The following CELSR2 variants were observed in gnomAD, a reference collection of about 807,000 sequenced individuals.
The protein encoded by CELSR2 is cadherin EGF LAG seven-pass G-type receptor 2.
A neutral mutation model predicts 251.6 loss-of-function variants in CELSR2; 81 were observed. The observed-to-expected ratio is 0.32, with a 90% CI of 0.27 to 0.39. CELSR2 has a LOEUF of 0.39. Ranked by LOEUF, CELSR2 falls within the 10% of genes least tolerant of loss-of-function variation. The probability of loss-of-function intolerance (pLI) is 1.00; values close to 1 mark genes in which losing one functional copy is unlikely to be tolerated. For synonymous variants in CELSR2, 1,721 were observed against 1,670.5 expected (o/e 1.03, Z -0.74); for missense variants, 3,365 against 3,947.7 (o/e 0.85, Z 3.96).
At chr1:109,265,112 A>G in intron 12 of CELSR2, 79 bp from the exon 13 acceptor site, 1 of 1,590,840 alleles carries the variant, frequency 6.3e-7, no homozygotes, top group Admixed American at 1.7e-5. Context: ...AGCCAGGGTC[A>G]GAAGGGCCAC....
chr1:109,268,321 T>TTCACAC (rs1656263140), intron 17 of CELSR2, among the ~76,000 whole-genome samples: 1 of 152,176 alleles, frequency 6.6e-6, no homozygotes, highest in South Asian at 2.1e-4. Flanking sequence ...GAGGAAGCAG[T>TTCACAC]ATCTCAGGAC....
At position 109,262,380 on chromosome 1, in the gene CELSR2, C is replaced by G; in HGVS notation, c.4480C>G (p.Arg1494Gly). 1 of 1,614,150 alleles carries G rather than the reference C, an allele frequency of 6.2e-7. No homozygotes were observed. Among genetic ancestry groups the G allele is most frequent in the Non-Finnish European group, 8.5e-7 (1 of 1,180,034 alleles). ...TGGCTGTGACACAGGAGTGGCCTTG[C>G]GCTTCGGATCTGTCCTGGGCAACTA... ...VDGCDTGVAL[R>G]FGSVLGNYSC... is the part of the protein sequence containing the mutation. The change falls in exon 6 of 34, where the codon CGC becomes GGC. Residue 1494 changes from arginine (R) to glycine (G), a missense_variant. Coordinates refer to ENST00000271332, the MANE Select transcript of CELSR2 (RefSeq NM_001408.3).
intron 29 of CELSR2, 105 bp from the exon 30 acceptor site, chr1:109,272,535 C>A: frequency 6.7e-7 from 1 of 1,484,498 alleles, no homozygotes; most frequent in Non-Finnish European, 9.3e-7. Context: ...GGATTAGAAG[C>A]TGTAAGGGAC....
At chr1:109,260,192 GGT>G (rs1655980010) in intron 2 of CELSR2, among the ~76,000 whole-genome samples, 4 of 143,968 alleles carry the variant, frequency 2.8e-5, no homozygotes, top group African/African-American at 1.0e-4. Flanking sequence ...GGAGGGGGGG[GGT>G]TAGAGCAGGC....
In CELSR2 at chr1:109,269,749, G is replaced by A. The variant is rs1346882671; in HGVS notation, c.7036G>A (p.Glu2346Lys). The change falls in exon 22 of 34, where the codon GAG (glutamate) becomes AAG (lysine). Residue 2346 changes from glutamate (E) to lysine (K), a missense_variant. Around this residue, in one of 5 missense-constraint regions of CELSR2, gnomAD observed 2,093 missense variants for 2,382.8 expected, o/e 0.88. Transcript: ENST00000271332. This position sits in a 1 kb window ranked among gnomAD's most constrained non-coding sequence, Gnocchi z 6.4. ...AGGCTGTGAAGTCGTCTTCCGCAAT[G>A]AGAGCCACGTCAGCTGCCAGTGCAA... is the stretch of plus-strand genomic sequence containing the variant. ...ARGCEVVFRN[E>K]SHVSCQCNHM... is the part of the protein sequence containing the mutation. 6.2e-7 allele frequency: 1 copy of A among 1,613,778 alleles called. No individual in the cohort carries two copies. The highest frequency in any genetic ancestry group is 8.5e-7 in the Non-Finnish European group (1 of 1,180,034).
rs1239808274 is a variant in CELSR2 at position 109,274,105 on chromosome 1, T to A, written c.*56T>A. On this transcript the variant is annotated 3_prime_UTR_variant, in exon 34 of 34. Coordinates refer to ENST00000271332, the MANE Select transcript of CELSR2 (RefSeq NM_001408.3). The stretch of plus-strand genomic sequence containing the variant: ...CCCTTCCCTTCCCCAGCCGCACTCA[T>A]GCCCTGCTCCTGTCTTGTGCTTTAT... 6.2e-7 allele frequency: 1 copy of A among 1,613,508 alleles called. No individual in the cohort carries two copies. The highest frequency in any genetic ancestry group is 8.5e-7 in the Non-Finnish European group (1 of 1,179,970).
rs1656303226 is a variant in CELSR2 at position 109,269,458 on chromosome 1, G to GT, written c.6848dup (p.Ser2284GlufsTer6). ...ACGCCCGATCATCAACACACCCGTGGTGAGCATCAGCGTCCATGATGATGA... is the reference window on the plus strand; with the variant it reads ...ACGCCCGATCATCAACACACCCGTGGTTGAGCATCAGCGTCCATGATGATGA... On this transcript the variant is annotated frameshift_variant, in exon 21 of 34. Transcript: ENST00000271332. LOFTEE classifies it high-confidence loss of function. The surrounding 1 kb of genome is among the most constrained non-coding windows in gnomAD (Gnocchi z 6.4). 1 of 1,613,968 alleles carries GT rather than the reference G, an allele frequency of 6.2e-7. No homozygotes were observed. The highest frequency in any genetic ancestry group is 1.3e-5 in the African/African-American group (1 of 74,936).
At chr1:109,271,160 G>A in intron 25 of CELSR2, 57 bp from the exon 26 acceptor site, 3 of 1,571,766 alleles carry the variant, frequency 1.9e-6, no homozygotes, top group Non-Finnish European at 2.6e-6. Flanking sequence ...GGCCCTGTGG[G>A]CTGGGTGGAA....
rs368298594 is a variant in CELSR2, at chr1:109,269,632, A to G, written c.6980+41A>G. 77 of 1,613,034 alleles carry G rather than the reference A, an allele frequency of 4.8e-5. No individual in the cohort carries two copies. The highest frequency in any genetic ancestry group is 6.3e-5 in the Non-Finnish European group (74 of 1,179,284). On this transcript the variant is annotated intron_variant, in intron 21 of 33. Coordinates refer to ENST00000271332, the MANE Select transcript of CELSR2 (RefSeq NM_001408.3). This position sits in a 1 kb window ranked among gnomAD's most constrained non-coding sequence, Gnocchi z 6.4. ...CCTCGCCCCCTCAGGCTTCGGGCTG[A>G]AAGTCCAGGCCCCTGCATGCCTCAC...
chr1:109,270,257 A>G, intron 23 of CELSR2, 124 bp downstream of exon 23: 1 of 1,285,922 alleles, frequency 7.8e-7, no homozygotes, highest in Non-Finnish European at 1.1e-6. Context: ...CACCTGGCCC[A>G]GGGTTTCCTC....
rs1455594921 is a variant in CELSR2, at chr1:109,268,999, G to A, written c.6622G>A (p.Val2208Ile). 1.2e-6 allele frequency: 2 copies of A among 1,611,094 alleles called. No homozygotes were observed. The highest frequency in any genetic ancestry group is 8.5e-7 in the Non-Finnish European group (1 of 1,177,782). ...GACAACAGTCATTCTGCCTGAGTCT[G>A]TCTTCAGAGGTCAGTGGTGGCCATG... Reference protein sequence around the residue: ...LETTVILPESVFRETPPVVRP... With the variant: ...LETTVILPESIFRETPPVVRP... The change falls in exon 19 of 34, where the codon GTC becomes ATC. Residue 2208 changes from valine (V) to isoleucine (I), a missense_variant. Physicochemically the swap from Val to Ile is conservative, Grantham distance 29. Around this residue, in one of 5 missense-constraint regions of CELSR2, gnomAD observed 2,093 missense variants for 2,382.8 expected, o/e 0.88. Transcript: ENST00000271332.
chr1:109,256,131 T>C (rs998655649), intron 1 of CELSR2, among the ~76,000 whole-genome samples: 1 of 152,182 alleles, frequency 6.6e-6, no homozygotes, highest in African/African-American at 2.4e-5. Flanking sequence ...ATACCAGGTA[T>C]ACAAGAGCTC....
chr1:109,267,909 C>G lies in CELSR2; in HGVS notation c.6167C>G (p.Ala2056Gly), dbSNP rs749408076. ...GACTCAGGGCGCTCCCAGCAGCTAGCCCTGCTCCTGCGCAACGCCACGCAG... is the reference window on the plus strand; with the variant it reads ...GACTCAGGGCGCTCCCAGCAGCTAGGCCTGCTCCTGCGCAACGCCACGCAG... ...GLDSGRSQQLALLLRNATQHT... is the reference protein window; with the variant it reads ...GLDSGRSQQLGLLLRNATQHT... Residue 2056 changes from alanine (A) to glycine (G), a missense_variant, in exon 17 of 34, where the codon GCC becomes GGC. Ala to Gly is a moderately conservative substitution (Grantham distance 60). This residue lies in a region of CELSR2 where 2,093 missense variants were observed against 2,382.8 expected (regional missense o/e 0.88). Transcript: ENST00000271332. The G allele has an allele frequency of 6.2e-7, 1 of 1,611,120 alleles. No individual in the cohort carries two copies. Among genetic ancestry groups the G allele is most frequent in the Non-Finnish European group, 8.5e-7 (1 of 1,179,622 alleles).
At chr1:109,264,750 A>T in intron 11 of CELSR2, 118 bp from the exon 12 acceptor site, 1 of 1,585,066 alleles carries the variant, frequency 6.3e-7, no homozygotes. Flanking sequence ...TTGCCTACAC[A>T]ACAAAGCCAT....
At chr1:109,270,796 G>T (rs558789459) in intron 24 of CELSR2, 131 bp from the exon 25 acceptor site, 16 of 985,524 alleles carry the variant, frequency 1.6e-5, no homozygotes, top group Non-Finnish European at 2.1e-5. Context: ...TGGGGAGATC[G>T]GTAGGGGCCG....
At chr1:109,270,805 C>T (rs1570793476) in intron 24 of CELSR2, 122 bp from the exon 25 acceptor site, 10 of 981,492 alleles carry the variant, frequency 1.0e-5, no homozygotes, top group Admixed American at 8.5e-5. Context: ...CGGTAGGGGC[C>T]GATGGTGGGC....
intron 2 of CELSR2, among the ~76,000 whole-genome samples, chr1:109,260,157 T>C (rs1655977893): frequency 1.3e-5 from 1 of 75,242 alleles, no homozygotes; most frequent in South Asian, 5.1e-4. Flanking sequence ...GAAGTCTTTG[T>C]CCAGGAGGAT....
At chr1:109,256,879 C>T (rs544066243) in intron 1 of CELSR2, among the ~76,000 whole-genome samples, 1 of 152,116 alleles carries the variant, frequency 6.6e-6, no homozygotes, top group East Asian at 1.9e-4. Flanking sequence ...AGTCTGATCT[C>T]GAACTCCTGA....
At chr1:109,266,972 C>A (rs1196521146) in intron 15 of CELSR2, among the ~76,000 whole-genome samples, 1 of 152,130 alleles carries the variant, frequency 6.6e-6, no homozygotes, top group East Asian at 1.9e-4. Flanking sequence ...CAGCCCGCCT[C>A]GGCCTCCCAA....
Sources: gnomAD v4.1 joint callset for allele counts (sites outside exome capture counted in the v4.1 genomes callset) on GRCh38, gnomAD v4.1.1 for gene constraint, gnomAD v4.1.1 regional missense constraint, Gnocchi (gnomAD v3.1) non-coding constraint, MANE v1.5 for transcripts, NCBI Gene and HGNC (gene_info 2026-07-23, HGNC 2026-07-21) for gene names.